LRP2: variants seen among roughly 807,000 people sequenced by gnomAD.
LRP2 encodes LDL receptor related protein 2.
Under a neutral mutation model 531.0 loss-of-function variants are expected in LRP2, and 172 were observed. That is an observed-to-expected ratio of 0.32 (90% CI 0.29 to 0.37). The LOEUF (loss-of-function observed/expected upper bound fraction) is 0.37. Among genes scored for constraint, LRP2 ranks in the 10% least tolerant of loss-of-function variants. LRP2 has a pLI of 1.00. For synonymous variants in LRP2, 1,992 were observed against 2,027.6 expected (o/e 0.98, Z 0.47); for missense variants, 5,167 against 5,868.3 (o/e 0.88, Z 3.90).
At chr2:169,339,747 T>C (rs1479230328) in intron 1 of LRP2, among the ~76,000 whole-genome samples, 1 of 152,160 alleles carries the variant, frequency 6.6e-6, no homozygotes, top group Non-Finnish European at 1.5e-5. Context: ...CTCTGATAAA[T>C]TTGGAAATTG....
intron 27 of LRP2, 118 bp downstream of exon 27, chr2:169,237,973 A>G: frequency 1.2e-6 from 1 of 830,712 alleles, no homozygotes; most frequent in Non-Finnish European, 2.1e-6. Context: ...GATGTGGCCC[A>G]GAAGGTACCA....
intron 31 of LRP2, among the ~76,000 whole-genome samples, chr2:169,230,903 CT>C: frequency 6.6e-6 from 1 of 152,178 alleles, no homozygotes. Context: ...CACAATTCTC[CT>C]TCTTAAAGTA....
chr2:169,248,002 T>C (rs1220119408), intron 19 of LRP2, among the ~76,000 whole-genome samples: 2 of 152,220 alleles, frequency 1.3e-5, no homozygotes, highest in East Asian at 3.9e-4. Flanking sequence ...AAATTGTAAT[T>C]TTTTTCCCTT....
chr2:169,274,471 C>A (rs1310422144), intron 14 of LRP2, among the ~76,000 whole-genome samples: 1 of 152,032 alleles, frequency 6.6e-6, no homozygotes, highest in East Asian at 1.9e-4. Context: ...GAAGACTAAG[C>A]AGTGTCTGAA....
chr2:169,181,670 G>A (rs1349049430), intron 51 of LRP2, 52 bp from the exon 52 acceptor site: 3 of 1,511,428 alleles, frequency 2.0e-6, no homozygotes, highest in Non-Finnish European at 2.8e-6. Flanking sequence ...GAAGTCAGTA[G>A]CCAAAATACA....
At chr2:169,293,303 T>G (rs1216328993) in intron 6 of LRP2, among the ~76,000 whole-genome samples, 3 of 152,172 alleles carry the variant, frequency 2.0e-5, no homozygotes, top group Non-Finnish European at 4.4e-5. Context: ...GAGAGGTCAT[T>G]TGCATTGCAG....
intron 3 of LRP2, among the ~76,000 whole-genome samples, chr2:169,313,647 A>T (rs1301921320): frequency 6.6e-6 from 1 of 152,020 alleles, no homozygotes; most frequent in Non-Finnish European, 1.5e-5. Flanking sequence ...CAGTTAGGCT[A>T]CTCGGGGGTC....
intron 37 of LRP2, among the ~76,000 whole-genome samples, chr2:169,211,018 GA>G (rs1438453209): frequency 6.6e-6 from 1 of 150,820 alleles, no homozygotes; most frequent in Non-Finnish European, 1.5e-5. Flanking sequence ...TTTTTTTAAT[GA>G]AAAGCTGGGA....
Position 169,191,864 on chromosome 2 carries a change from A to G in LRP2, c.9000T>C (p.Cys3000=). The change falls in exon 48 of 79, where the codon TGT becomes TGC. Residue 3000 remains cysteine (C), a synonymous_variant. Transcript: ENST00000649046. ...RRTCSENEFT[C]GYGLCIPKIF... ...TCTTTGGGATACACAGTCCGTAACC[A>G]CAGGTGAATTCATTTTCAGAGCAAG... 1 of 1,614,110 alleles carries G rather than the reference A, an allele frequency of 6.2e-7. No homozygotes were observed. Among genetic ancestry groups the G allele is most frequent in the Non-Finnish European group, 8.5e-7 (1 of 1,179,992 alleles).
At chr2:169,277,286 A>G (rs1016976902) in intron 13 of LRP2, among the ~76,000 whole-genome samples, 1 of 152,148 alleles carries the variant, frequency 6.6e-6, no homozygotes, top group African/African-American at 2.4e-5. Flanking sequence ...AATACAAAGA[A>G]TTTCTCCTTG....
chr2:169,175,238 G>A lies in LRP2; in HGVS notation c.10723C>T (p.His3575Tyr). 6.2e-7 allele frequency: 1 copy of A among 1,614,162 alleles called. No homozygotes were observed. The highest frequency in any genetic ancestry group is 1.1e-5 in the South Asian group (1 of 91,072). Reference sequence around the variant, plus strand: ...TCAGACCCATCAGGGCAATTTTGGTGAGCATTGCATAAAGTCTGCGGGCTG... The same window carrying A: ...TCAGACCCATCAGGGCAATTTTGGTAAGCATTGCATAAAGTCTGCGGGCTG... ...CTSPQTLCNA[H>Y]QNCPDGSDED... Residue 3575 changes from histidine to tyrosine, a missense_variant, in exon 55 of 79, where the codon CAC (histidine) becomes TAC (tyrosine). Physicochemically the swap from His to Tyr is moderately conservative, Grantham distance 83. Around this residue, in one of 6 missense-constraint regions of LRP2, gnomAD observed 311 missense variants for 309.4 expected, o/e 1.01. Transcript: ENST00000649046.
At chr2:169,218,933 T>C (rs1459512449) in intron 34 of LRP2, among the ~76,000 whole-genome samples, 1 of 152,132 alleles carries the variant, frequency 6.6e-6, no homozygotes, top group East Asian at 1.9e-4. Flanking sequence ...ACTGCCCATA[T>C]AAAAGACAAA....
chr2:169,134,208 T>C (rs62172564), intron 76 of LRP2, among the ~76,000 whole-genome samples: 49,278 of 151,616 alleles, frequency 0.33, 9,733 homozygotes, highest in Admixed American at 0.48. Context: ...TGCCACTGCT[T>C]TAATACTTTT....
rs1450275404 is a variant in LRP2, at chr2:169,259,021, T to C, written c.2513+4A>G. The C allele has an allele frequency of 1.9e-6, 3 of 1,613,060 alleles. No individual in the cohort carries two copies. The South Asian group carries it at 3.3e-5, about 18-fold the overall frequency. On this transcript the variant is annotated splice_donor_region_variant and intron_variant, in intron 17 of 78. Transcript: ENST00000649046. ...AGCTCTTAGGAAAACATGAACACAC[T>C]TACCCGGCAAAAGGATGAACTACCA...
At chr2:169,267,142 G>T (rs541049821) in intron 16 of LRP2, among the ~76,000 whole-genome samples, 1 of 151,362 alleles carries the variant, frequency 6.6e-6, no homozygotes, top group African/African-American at 2.4e-5. Context: ...CTCCCGTCTC[G>T]GTTCCCAAAA....
intron 12 of LRP2, 131 bp downstream of exon 12, chr2:169,279,241 C>G (rs1683635325): frequency 2.8e-6 from 2 of 708,384 alleles, no homozygotes; most frequent in African/African-American, 3.6e-5. Context: ...ACAAAATAGA[C>G]ATGGCTTCTA....
Position 169,359,318 on chromosome 2 carries a change from C to T in LRP2, c.79+3003G>A, listed in dbSNP as rs555626496. ...AATGTTGGAACCCAACAGCTTGACT[C>T]GAGTTCAGACTCTGCAAAATGTTTT... is the stretch of plus-strand genomic sequence containing the variant. On this transcript the variant is annotated intron_variant, in intron 1 of 78. Transcript: ENST00000649046. Among the ~76,000 whole-genome samples, 8 of 152,208 alleles carry T rather than the reference C, an allele frequency of 5.3e-5. 1 individual carries two copies. In the South Asian group the frequency reaches 1.5e-3, roughly 28 times the overall value.
intron 63 of LRP2, 117 bp from the exon 64 acceptor site, chr2:169,157,619 T>A: frequency 8.6e-7 from 1 of 1,162,370 alleles, no homozygotes; most frequent in South Asian, 1.3e-5. Context: ...ATAACCCCTT[T>A]CCATAAGCCT....
intron 68 of LRP2, among the ~76,000 whole-genome samples, chr2:169,148,641 ATT>A (rs1686009320): frequency 1.3e-5 from 2 of 152,160 alleles, no homozygotes; most frequent in South Asian, 4.1e-4. Flanking sequence ...AAGTAAATTA[ATT>A]AATTCAATTT....
Sources: gnomAD v4.1 joint callset for allele counts (sites outside exome capture counted in the v4.1 genomes callset) on GRCh38, gnomAD v4.1.1 for gene constraint, gnomAD v4.1.1 regional missense constraint, MANE v1.5 for transcripts, NCBI Gene and HGNC (gene_info 2026-07-23, HGNC 2026-07-21) for gene names.